ZZZ3: variants seen among roughly 807,000 people sequenced by gnomAD.
The protein encoded by ZZZ3 is zinc finger ZZ-type containing 3.
Under a neutral mutation model 95.2 loss-of-function variants are expected in ZZZ3, and 22 were observed. The observed-to-expected ratio is 0.23, with a 90% CI of 0.17 to 0.33. The LOEUF (loss-of-function observed/expected upper bound fraction) is 0.33, where lower values mean the gene tolerates loss of function less well. Ranked by LOEUF, ZZZ3 falls within the 10% of genes least tolerant of loss-of-function variation. The pLI, the probability that ZZZ3 is intolerant of heterozygous loss-of-function variation, is 1.00. For synonymous variants in ZZZ3, 335 were observed against 358.9 expected, an observed-to-expected ratio of 0.93 and a Z score of 0.75; for missense variants, 885 against 1,066.5, an observed-to-expected ratio of 0.83 and a Z score of 2.37.
At chr1:77,666,033 T>C in intron 1 of ZZZ3, among the ~76,000 whole-genome samples, 1 of 152,070 alleles carries the variant, frequency 6.6e-6, no homozygotes, top group East Asian at 1.9e-4. Flanking sequence ...ACAGCGAGAC[T>C]CCATCTCAAA....
At chr1:77,681,679 G>A (rs1026010940) in intron 1 of ZZZ3, among the ~76,000 whole-genome samples, 3 of 152,112 alleles carry the variant, frequency 2.0e-5, no homozygotes, top group East Asian at 1.9e-4. Flanking sequence ...ATCACTTGAG[G>A]TCAGGAGTTT....
At chr1:77,656,406 C>T (rs1474811325) in intron 1 of ZZZ3, among the ~76,000 whole-genome samples, 4 of 152,078 alleles carry the variant, frequency 2.6e-5, no homozygotes, top group Non-Finnish European at 5.9e-5. Flanking sequence ...CTCCATCTGT[C>T]TTAAGAATTC....
chr1:77,607,289 CAAG>C (rs1410414314), intron 5 of ZZZ3, among the ~76,000 whole-genome samples: 6 of 152,152 alleles, frequency 3.9e-5, no homozygotes, highest in African/African-American at 1.4e-4. Flanking sequence ...CTTACTACTA[CAAG>C]AATAGTATGC....
chr1:77,663,368 T>G (rs1430651767), intron 1 of ZZZ3, among the ~76,000 whole-genome samples: 1 of 152,194 alleles, frequency 6.6e-6, no homozygotes, highest in Non-Finnish European at 1.5e-5. Flanking sequence ...ATCCTGGATC[T>G]AATTCTACCC....
chr1:77,651,584 G>A (rs1432494036), intron 1 of ZZZ3, among the ~76,000 whole-genome samples: 2 of 152,174 alleles, frequency 1.3e-5, no homozygotes, highest in Non-Finnish European at 2.9e-5. Context: ...GACTAAGGGA[G>A]GGGGAAATGT....
At chr1:77,648,225 T>A (rs1029406392) in intron 1 of ZZZ3, among the ~76,000 whole-genome samples, 9 of 151,802 alleles carry the variant, frequency 5.9e-5, no homozygotes, top group African/African-American at 1.9e-4. Flanking sequence ...GGCACATGCC[T>A]GTAGTCCCAG....
At chr1:77,612,157 G>A (rs980159194) in intron 5 of ZZZ3, among the ~76,000 whole-genome samples, 1 of 151,922 alleles carries the variant, frequency 6.6e-6, no homozygotes, top group Non-Finnish European at 1.5e-5. Flanking sequence ...TTTCTCCAAA[G>A]ACATAAAAAT....
intron 5 of ZZZ3, among the ~76,000 whole-genome samples, chr1:77,607,128 G>T (rs1038603842): frequency 6.6e-6 from 1 of 152,136 alleles, no homozygotes; most frequent in Non-Finnish European, 1.5e-5. Flanking sequence ...ACAGGAAAGC[G>T]GTTTAATTGA....
intron 5 of ZZZ3, among the ~76,000 whole-genome samples, chr1:77,622,136 CAAAAAAAA>C (rs58597820): frequency 6.1e-5 from 5 of 81,876 alleles, no homozygotes; most frequent in African/African-American, 2.4e-4. Context: ...CTTGTCTCCA[CAAAAAAAA>C]AAAAAAAAAA....
chr1:77,643,182 AG>A, intron 1 of ZZZ3, among the ~76,000 whole-genome samples: 1 of 152,210 alleles, frequency 6.6e-6, no homozygotes, highest in Admixed American at 6.5e-5. Context: ...AAAAAAAAAA[AG>A]AAAAAACCGA....
intron 12 of ZZZ3, among the ~76,000 whole-genome samples, chr1:77,575,476 CA>C (rs1256011972): frequency 6.6e-6 from 1 of 152,206 alleles, no homozygotes; most frequent in Non-Finnish European, 1.5e-5. Context: ...TGAATCTCAT[CA>C]ATGCTCTTGA....
intron 5 of ZZZ3, among the ~76,000 whole-genome samples, chr1:77,606,926 G>C (rs998174134): frequency 1.3e-5 from 2 of 152,200 alleles, no homozygotes; most frequent in African/African-American, 4.8e-5. Flanking sequence ...CACTGTAGTA[G>C]ATGTCCAAGC....
At position 77,578,665 on chromosome 1, in the gene ZZZ3, C is replaced by T. The variant is rs1302591682; in HGVS notation, c.2178+109G>A. The T allele has an allele frequency of 6.7e-6, 4 of 594,938 alleles. No individual in the cohort carries two copies. In the South Asian group the frequency reaches 1.9e-4, roughly 28 times the overall value. The allele number at this position is 594,938 out of a possible 1,614,324, so 36.9% of individuals were successfully genotyped here. A position where few individuals can be genotyped will look rare whatever the true frequency, so the allele number is the denominator to read the frequency against. ...AATATAAGGAAATGCTTAGAATGAA[C>T]AGAAGTTTTAAAATACAACACTATT... On this transcript the variant is annotated intron_variant, in intron 11 of 14. Transcript: ENST00000370801.
rs533073875 is a variant in ZZZ3 at position 77,649,605 on chromosome 1, G to A, written c.-402-7950C>T. Among the ~76,000 whole-genome samples, 191 of 152,128 alleles carry A rather than the reference G, an allele frequency of 1.3e-3. 1 individual carries two copies. The highest frequency in any genetic ancestry group is 4.4e-3 in the African/African-American group (181 of 41,498). Reference sequence around the variant, plus strand: ...TAACTATAAAAAACTTTTCCTGGCCGGGCATGGTGGCTCATGCCTGTAATC... The same window carrying A: ...TAACTATAAAAAACTTTTCCTGGCCAGGCATGGTGGCTCATGCCTGTAATC... On this transcript the variant is annotated intron_variant, in intron 1 of 14. Transcript: ENST00000370801.
At chr1:77,620,805 A>T (rs1007283018) in intron 5 of ZZZ3, among the ~76,000 whole-genome samples, 1 of 152,210 alleles carries the variant, frequency 6.6e-6, no homozygotes, top group Admixed American at 6.5e-5. Context: ...TTCAAAATTC[A>T]TCAGTATATA....
At chr1:77,657,485 G>C (rs568164920) in intron 1 of ZZZ3, among the ~76,000 whole-genome samples, 1 of 152,252 alleles carries the variant, frequency 6.6e-6, no homozygotes, top group African/African-American at 2.4e-5. Flanking sequence ...AAGAGAGCTA[G>C]AACAAGGCAG....
chr1:77,666,815 T>G (rs1397297271), intron 1 of ZZZ3, among the ~76,000 whole-genome samples: 3 of 152,122 alleles, frequency 2.0e-5, no homozygotes, highest in African/African-American at 7.2e-5. Context: ...CTATTTTAGG[T>G]AGTAAAATGA....
At position 77,565,475 on chromosome 1, in the gene ZZZ3, G is replaced by A; in HGVS notation, c.*165C>T. The A allele has an allele frequency of 1.6e-6, 1 of 643,652 alleles. No individual in the cohort carries two copies. The highest frequency in any genetic ancestry group is 2.5e-6 in the Non-Finnish European group (1 of 394,832). The allele number at this position is 643,652 out of a possible 1,614,324, so 39.9% of individuals were successfully genotyped here. A position where few individuals can be genotyped will look rare whatever the true frequency, so the allele number is the denominator to read the frequency against. On this transcript the variant is annotated 3_prime_UTR_variant, in exon 15 of 15. Transcript: ENST00000370801. ...TTCAGCTGCTGAACAGTGATCTAGA[G>A]CCACAACGGTGCAGAGCTGTACTTG...
chr1:77,603,280 T>C (rs571182161), intron 5 of ZZZ3, among the ~76,000 whole-genome samples: 105 of 152,224 alleles, frequency 6.9e-4, no homozygotes, highest in Non-Finnish European at 1.4e-3. Context: ...GGTTTTACCA[T>C]GTTGCCCAGA....
Sources: gnomAD v4.1 joint callset for allele counts (sites outside exome capture counted in the v4.1 genomes callset) on GRCh38, gnomAD v4.1.1 for gene constraint, MANE v1.5 for transcripts, NCBI Gene and HGNC (gene_info 2026-07-23, HGNC 2026-07-21) for gene names.